Variants in MME observed in about 807,000 individuals in gnomAD.
The protein encoded by MME is membrane metalloendopeptidase.
In MME, 98 loss-of-function variants were observed where a neutral mutation model predicts 113.2. That is an observed-to-expected ratio of 0.87 (90% CI 0.74 to 1.02). The LOEUF is 1.02. Among genes scored for constraint, MME ranks in the 50% least tolerant of loss-of-function variants. The pLI is 0.00. For synonymous variants in MME, 292 were observed against 300.6 expected, an observed-to-expected ratio of 0.97 and a Z score of 0.30; for missense variants, 836 against 896.0, an observed-to-expected ratio of 0.93 and a Z score of 0.86.
intron 16 of MME, among the ~76,000 whole-genome samples, chr3:155,155,619 C>T (rs958866996): frequency 6.6e-6 from 1 of 152,116 alleles, no homozygotes; most frequent in African/African-American, 2.4e-5. Flanking sequence ...CATGGAATTA[C>T]CTTCTAATGA....
chr3:155,063,488 TATATATATTTAA>T (rs1256016093), intron 1 of MME, among the ~76,000 whole-genome samples: 3 of 95,962 alleles, frequency 3.1e-5, no homozygotes, highest in Non-Finnish European at 5.8e-5. Flanking sequence ...TTATTTTATA[TATATATATTTAA>T]ATATATATAT....
Position 155,113,098 on chromosome 3 carries a change from A to G in MME, c.197-1896A>G, listed in dbSNP as rs73875811. ...AGAATTTGGAAAGAATGACAGGGGC[A>G]ATCAAAGCTGTGGGATGAGGAGGTT... On this transcript the variant is annotated intron_variant, in intron 3 of 22. Transcript: ENST00000360490. 5.2e-3 allele frequency among the ~76,000 whole-genome samples: 791 copies of G among 152,262 alleles called. 8 individuals carry two copies. Among genetic ancestry groups the G allele is most frequent in the African/African-American group, 0.018 (734 of 41,540 alleles).
chr3:155,091,866 C>G (rs1272273046), intron 3 of MME, among the ~76,000 whole-genome samples: 1 of 152,120 alleles, frequency 6.6e-6, no homozygotes, highest in South Asian at 2.1e-4. Context: ...TGTTTTGATC[C>G]TATTTCTGAA....
intron 3 of MME, among the ~76,000 whole-genome samples, chr3:155,091,807 C>T (rs142874313): frequency 1.4e-3 from 212 of 152,280 alleles, no homozygotes; most frequent in African/African-American, 4.9e-3. Context: ...AATTTTCATT[C>T]TTTAAGACCA....
At chr3:155,042,934 ATATATGTATATATATATATATATATC>A in intron 1 of MME, among the ~76,000 whole-genome samples, 1 of 61,282 alleles carries the variant, frequency 1.6e-5, no homozygotes. Context: ...ATATATATAT[ATATATGTATATATATATATATATATC>A]ACATTTGTAA....
intron 3 of MME, among the ~76,000 whole-genome samples, chr3:155,087,085 A>G (rs1370358714): frequency 1.4e-5 from 2 of 146,846 alleles, no homozygotes; most frequent in Admixed American, 1.4e-4. Flanking sequence ...CAGTCCTCCT[A>G]CTTGTCTTCC....
intron 1 of MME, among the ~76,000 whole-genome samples, chr3:155,031,819 G>A (rs1365279485): frequency 3.2e-4 from 49 of 152,166 alleles, no homozygotes; most frequent in Admixed American, 2.3e-3. Context: ...CACCACACCC[G>A]GCTACTTTTT....
intron 1 of MME, among the ~76,000 whole-genome samples, chr3:155,046,129 A>G (rs1713551949): frequency 6.6e-6 from 1 of 152,106 alleles, no homozygotes. Flanking sequence ...TAGACTTTTT[A>G]ATATTGTCCT....
intron 17 of MME, among the ~76,000 whole-genome samples, chr3:155,161,050 A>G (rs3773880): frequency 0.27 from 41,087 of 152,098 alleles, 5,849 homozygotes; most frequent in African/African-American, 0.32. Flanking sequence ...GTATTATTAC[A>G]GACATATATA....
At chr3:155,138,385 G>A (rs1720806024) in intron 9 of MME, 149 bp downstream of exon 9, 1 of 762,808 alleles carries the variant, frequency 1.3e-6, no homozygotes, top group Non-Finnish European at 2.1e-6. Context: ...GACTTCAAAA[G>A]GACCTTTGAA....
At chr3:155,027,664 T>C (rs1017020478) in intron 1 of MME, among the ~76,000 whole-genome samples, 1 of 152,210 alleles carries the variant, frequency 6.6e-6, no homozygotes, top group African/African-American at 2.4e-5. Context: ...TTCTATAGAA[T>C]CCCTTAACAG....
At chr3:155,095,649 G>C (rs1480688151) in intron 3 of MME, among the ~76,000 whole-genome samples, 1 of 152,022 alleles carries the variant, frequency 6.6e-6, no homozygotes, top group Non-Finnish European at 1.5e-5. Flanking sequence ...CAAGCAGCTA[G>C]AACAACAGGC....
intron 3 of MME, chr3:155,090,232 C>T (rs1716172615): frequency 6.6e-6 from 1 of 152,256 alleles, no homozygotes; most frequent in Admixed American, 6.5e-5. Context: ...TAATTCTGCA[C>T]ATACCAAGAA....
chr3:155,046,669 T>C (rs1713573235), intron 1 of MME, among the ~76,000 whole-genome samples: 1 of 152,146 alleles, frequency 6.6e-6, no homozygotes, highest in Non-Finnish European at 1.5e-5. Context: ...CAGCCTGGGC[T>C]ACAAGAGTGA....
intron 17 of MME, among the ~76,000 whole-genome samples, chr3:155,164,343 A>C (rs1722937625): frequency 6.6e-6 from 1 of 152,114 alleles, no homozygotes; most frequent in Non-Finnish European, 1.5e-5. Flanking sequence ...TGACTTATTT[A>C]ATTAACTAAC....
chr3:155,153,308 G>A (rs1001952719), intron 16 of MME, among the ~76,000 whole-genome samples: 1 of 152,056 alleles, frequency 6.6e-6, no homozygotes, highest in Non-Finnish European at 1.5e-5. Context: ...AATTTTAAAA[G>A]CTCTTGATTC....
chr3:155,084,125 GT>G, intron 1 of MME, 32 bp from the exon 2 acceptor site: 2 of 1,530,044 alleles, frequency 1.3e-6, no homozygotes, highest in Non-Finnish European at 1.8e-6. Flanking sequence ...TTATTTATTT[GT>G]TTTTCATTAT....
chr3:155,055,876 G>C (rs1453891477), intron 1 of MME, among the ~76,000 whole-genome samples: 1 of 151,966 alleles, frequency 6.6e-6, no homozygotes, highest in Non-Finnish European at 1.5e-5. Flanking sequence ...AACATTATAG[G>C]GTTGAATTAT....
chr3:155,072,897 C>G (rs1714628281), intron 1 of MME, among the ~76,000 whole-genome samples: 1 of 152,170 alleles, frequency 6.6e-6, no homozygotes, highest in South Asian at 2.1e-4. Flanking sequence ...CTATGTTGGC[C>G]TCTCAAAACT....
Sources: gnomAD v4.1 joint callset for allele counts (sites outside exome capture counted in the v4.1 genomes callset) on GRCh38, gnomAD v4.1.1 for gene constraint, MANE v1.5 for transcripts, NCBI Gene and HGNC (gene_info 2026-07-23, HGNC 2026-07-21) for gene names.